The following DLGAP2 variants were observed in gnomAD, a reference collection of about 807,000 sequenced individuals.
DLGAP2 encodes the protein DLG associated protein 2.
A neutral mutation model predicts 100.3 loss-of-function variants in DLGAP2; 26 were observed. The observed-to-expected ratio is 0.26, with a 90% CI of 0.19 to 0.36. DLGAP2 has a LOEUF of 0.36. DLGAP2 is among the 10% of genes least tolerant of loss of function. The pLI is 1.00. For synonymous variants in DLGAP2, 886 were observed against 630.1 expected (o/e 1.41, Z -6.08); for missense variants, 1,858 against 1,453.2 (o/e 1.28, Z -4.53).
intron 1 of DLGAP2, among the ~76,000 whole-genome samples, chr8:812,558 GT>G (rs2132672682): frequency 6.6e-6 from 1 of 152,292 alleles, no homozygotes; most frequent in African/African-American, 2.4e-5. Flanking sequence ...AGAGAAGGTA[GT>G]TTTGAGAATG....
intron 2 of DLGAP2, among the ~76,000 whole-genome samples, chr8:1,184,853 A>T (rs562045280): frequency 1.8e-4 from 28 of 152,272 alleles, no homozygotes; most frequent in Admixed American, 1.8e-3. Flanking sequence ...TATAATCTCC[A>T]TGCCAGTTAA....
chr8:1,458,014 A>ATATAT (rs1491407935), intron 3 of DLGAP2, among the ~76,000 whole-genome samples: 15 of 113,626 alleles, frequency 1.3e-4, no homozygotes, highest in Non-Finnish European at 2.0e-4. Context: ...ATATATATAT[A>ATATAT]ATTTTTTATA....
At chr8:1,039,582 C>T (rs375308605) in intron 2 of DLGAP2, among the ~76,000 whole-genome samples, 18 of 93,008 alleles carry the variant, frequency 1.9e-4, no homozygotes, top group East Asian at 1.9e-3. Context: ...GTGGTCAGCT[C>T]GGTGTGCGTG....
Position 1,130,221 on chromosome 8 carries a change from C to T in DLGAP2, c.74-128630C>T, listed in dbSNP as rs200845757. Among the ~76,000 whole-genome samples, 4 of 152,244 alleles carry T rather than the reference C, an allele frequency of 2.6e-5. No individual in the cohort carries two copies. The South Asian group carries it at 6.2e-4, about 24-fold the overall frequency. ...AGAAGTGAGGTGCGTTATTGACAAA[C>T]GCACTCTGGCCTCTTTAGATTTGAA... On this transcript the variant is annotated intron_variant, in intron 2 of 14. Transcript: ENST00000637795.
At chr8:1,217,078 G>A (rs566836024) in intron 2 of DLGAP2, among the ~76,000 whole-genome samples, 10 of 152,190 alleles carry the variant, frequency 6.6e-5, no homozygotes, top group South Asian at 4.2e-4. Context: ...CATAGTACCC[G>A]ATAGGTGGTT....
chr8:1,534,995 C>T (rs139022206), intron 4 of DLGAP2, among the ~76,000 whole-genome samples: 8 of 152,234 alleles, frequency 5.3e-5, no homozygotes, highest in East Asian at 3.8e-4. Context: ...TTTGCCAGAG[C>T]GCACTGTTTT....
At chr8:1,592,616 A>C (rs1374228369) in intron 6 of DLGAP2, among the ~76,000 whole-genome samples, 1 of 152,124 alleles carries the variant, frequency 6.6e-6, no homozygotes, top group African/African-American at 2.4e-5. Context: ...GCATTACTGG[A>C]CAACTTCTAA....
At chr8:1,506,613 C>T (rs536812987) in intron 4 of DLGAP2, among the ~76,000 whole-genome samples, 23 of 152,300 alleles carry the variant, frequency 1.5e-4, no homozygotes, top group African/African-American at 5.5e-4. Context: ...CAGCAGGTTG[C>T]CAGTGCCGGC....
intron 2 of DLGAP2, among the ~76,000 whole-genome samples, chr8:1,142,419 A>G (rs1256535241): frequency 1.3e-5 from 2 of 152,236 alleles, no homozygotes; most frequent in Non-Finnish European, 2.9e-5. Flanking sequence ...GAAAGAAGCT[A>G]GATGCAGTGT....
At chr8:1,601,787 T>C (rs567224465) in intron 6 of DLGAP2, among the ~76,000 whole-genome samples, 1 of 152,082 alleles carries the variant, frequency 6.6e-6, no homozygotes. Flanking sequence ...GTCTTTGGAG[T>C]TGCTGTTTCC....
intron 1 of DLGAP2, among the ~76,000 whole-genome samples, chr8:859,898 A>G (rs1265279488): frequency 1.3e-5 from 2 of 152,226 alleles, no homozygotes; most frequent in East Asian, 1.9e-4. Context: ...CATGAGACAC[A>G]TGGGCTTATG....
At chr8:1,301,550 C>G (rs1450947930) in intron 3 of DLGAP2, 1 of 152,022 alleles carries the variant, frequency 6.6e-6, no homozygotes, top group Non-Finnish European at 1.5e-5. Context: ...CACTCTTTTT[C>G]TTGCTGTCAC....
chr8:915,245 C>T (rs1798565882), intron 2 of DLGAP2, among the ~76,000 whole-genome samples: 1 of 152,226 alleles, frequency 6.6e-6, no homozygotes, highest in African/African-American at 2.4e-5. Flanking sequence ...GAGGAGGGAA[C>T]ATCTGTGAAA....
At chr8:1,374,154 G>C (rs761691592) in intron 3 of DLGAP2, among the ~76,000 whole-genome samples, 5 of 151,254 alleles carry the variant, frequency 3.3e-5, no homozygotes, top group Non-Finnish European at 7.4e-5. Flanking sequence ...GTGTAGTGTG[G>C]AGGTTAGGTT....
intron 2 of DLGAP2, among the ~76,000 whole-genome samples, chr8:1,150,595 C>G (rs1163061809): frequency 1.3e-5 from 2 of 152,180 alleles, no homozygotes; most frequent in Non-Finnish European, 2.9e-5. Flanking sequence ...ACTGTGGCTT[C>G]TAGAAAATCC....
At chr8:1,243,636 A>T (rs1798844445) in intron 2 of DLGAP2, among the ~76,000 whole-genome samples, 1 of 151,874 alleles carries the variant, frequency 6.6e-6, no homozygotes, top group South Asian at 2.1e-4. Flanking sequence ...CCTAAAGAGG[A>T]TTCATGGCAC....
intron 3 of DLGAP2, among the ~76,000 whole-genome samples, chr8:1,451,257 C>T (rs1234952527): frequency 6.6e-6 from 1 of 152,116 alleles, no homozygotes; most frequent in Non-Finnish European, 1.5e-5. Flanking sequence ...AACTAACATC[C>T]TACATAACTA....
intron 2 of DLGAP2, among the ~76,000 whole-genome samples, chr8:1,187,531 A>G (rs1159842444): frequency 7.2e-6 from 1 of 138,048 alleles, no homozygotes. Flanking sequence ...ACGGAATCTC[A>G]CACACCCGGG....
intron 2 of DLGAP2, among the ~76,000 whole-genome samples, chr8:976,008 C>A (rs183510551): frequency 6.6e-6 from 1 of 152,088 alleles, no homozygotes; most frequent in Admixed American, 6.6e-5. Context: ...TTGCAAGATA[C>A]AAGGTTATTA....
Sources: allele counts gnomAD v4.1 joint callset (sites outside exome capture counted in the v4.1 genomes callset), GRCh38; gene constraint gnomAD v4.1.1; transcripts MANE v1.5; gene names NCBI Gene and HGNC (gene_info 2026-07-23, HGNC 2026-07-21).